EAF2: variants seen among roughly 807,000 people sequenced by gnomAD.
EAF2 encodes the protein ELL-associated factor 2.
A neutral mutation model predicts 29.4 loss-of-function variants in EAF2; 29 were observed. The ratio of observed to expected loss-of-function variants is 0.99; its 90% CI spans 0.73 to 1.35. The LOEUF (loss-of-function observed/expected upper bound fraction) is 1.35, where lower values mean the gene tolerates loss of function less well. EAF2 is among the 40% of genes most tolerant of loss of function. The pLI is 0.00. For synonymous variants in EAF2, 103 were observed against 102.5 expected (o/e 1.00, Z -0.03); for missense variants, 292 against 312.0 (o/e 0.94, Z 0.48).
At chr3:121,863,476 C>T (rs372405916) in intron 4 of EAF2, among the ~76,000 whole-genome samples, 2 of 152,164 alleles carry the variant, frequency 1.3e-5, no homozygotes, top group Non-Finnish European at 2.9e-5. Flanking sequence ...AATGAGGCTC[C>T]GTGGGCATGG....
intron 2 of EAF2, among the ~76,000 whole-genome samples, chr3:121,846,429 T>G (rs1277079118): frequency 6.6e-6 from 1 of 152,218 alleles, no homozygotes; most frequent in Non-Finnish European, 1.5e-5. Context: ...GGTTCTAGTA[T>G]CTCTAAAACA....
Position 121,886,464 on chromosome 3 carries a change from A to G in EAF2, c.*76A>G. 1.2e-6 allele frequency: 1 copy of G among 832,014 alleles called. No homozygotes were observed. Among genetic ancestry groups the G allele is most frequent in the Non-Finnish European group, 1.7e-6 (1 of 581,952 alleles). 51.5% of individuals were successfully genotyped at this position (832,014 alleles called of 1,614,324 possible). The stretch of plus-strand genomic sequence containing the variant: ...TGTATTAACAATAAAAATTCCTAAG[A>G]CTGAGGGAAATATGTCTTAACTTTT... On this transcript the variant is annotated 3_prime_UTR_variant, in exon 6 of 6. Transcript: ENST00000273668.
chr3:121,857,503 A>T (rs1029786997), intron 4 of EAF2, among the ~76,000 whole-genome samples: 1 of 151,532 alleles, frequency 6.6e-6, no homozygotes, highest in Non-Finnish European at 1.5e-5. Context: ...AAAAAAAAAA[A>T]GAAAAAAAAA....
chr3:121,851,531 T>A (rs1333871162), intron 2 of EAF2, among the ~76,000 whole-genome samples: 1 of 152,158 alleles, frequency 6.6e-6, no homozygotes, highest in Non-Finnish European at 1.5e-5. Context: ...CAATCCTAAG[T>A]CAGTCATTCA....
chr3:121,840,520 A>AAAAAAAAAAAC, intron 1 of EAF2, among the ~76,000 whole-genome samples: 2 of 129,444 alleles, frequency 1.5e-5, no homozygotes, highest in East Asian at 2.1e-4. Flanking sequence ...AAAAAAAAAA[A>AAAAAAAAAAAC]ACGGGCCGGG....
intron 4 of EAF2, among the ~76,000 whole-genome samples, chr3:121,870,804 A>G (rs1708998340): frequency 6.6e-6 from 1 of 152,158 alleles, no homozygotes; most frequent in Non-Finnish European, 1.5e-5. Context: ...ATAAAAAAAC[A>G]CTGCTTCATA....
intron 4 of EAF2, among the ~76,000 whole-genome samples, chr3:121,869,666 C>G (rs1473991234): frequency 6.6e-6 from 1 of 151,554 alleles, no homozygotes. Context: ...TGCTTGAGCC[C>G]GGGAGTTTGA....
chr3:121,877,523 T>C lies in EAF2; in HGVS notation c.736+4735T>C, dbSNP rs574743699. Among the ~76,000 whole-genome samples the C allele has an allele frequency of 3.3e-5, 5 of 151,966 alleles. No individual in the cohort carries two copies. In the South Asian group the frequency reaches 1.0e-3, roughly 32 times the overall value. Reference sequence around the variant, plus strand: ...TTTTTAAATGAACATATTATGATTATAATATGAAAATATAAATAAATAAAA... The same window carrying C: ...TTTTTAAATGAACATATTATGATTACAATATGAAAATATAAATAAATAAAA... On this transcript the variant is annotated intron_variant, in intron 5 of 5. Transcript: ENST00000273668.
chr3:121,867,611 C>A (rs934372708), intron 4 of EAF2, among the ~76,000 whole-genome samples: 1 of 152,048 alleles, frequency 6.6e-6, no homozygotes, highest in South Asian at 2.1e-4. Context: ...AGAATTTGTT[C>A]CTAGGAAACT....
At chr3:121,862,035 G>C (rs915689723) in intron 4 of EAF2, among the ~76,000 whole-genome samples, 1 of 152,216 alleles carries the variant, frequency 6.6e-6, no homozygotes, top group Non-Finnish European at 1.5e-5. Flanking sequence ...TCTGCCGAGA[G>C]ATCTGCTGTT....
At chr3:121,849,560 C>T (rs1708590270) in intron 2 of EAF2, among the ~76,000 whole-genome samples, 1 of 152,050 alleles carries the variant, frequency 6.6e-6, no homozygotes, top group Non-Finnish European at 1.5e-5. Context: ...TGAAATAGCC[C>T]ACTGCAAACT....
intron 5 of EAF2, 165 bp downstream of exon 5, chr3:121,872,953 C>A: frequency 9.1e-7 from 1 of 1,093,218 alleles, no homozygotes; most frequent in Non-Finnish European, 1.3e-6. Context: ...GAATCTGTGA[C>A]ATAATGCCTT....
At chr3:121,857,305 A>G (rs1442725046) in intron 4 of EAF2, 149 bp downstream of exon 4, 2 of 562,520 alleles carry the variant, frequency 3.6e-6, no homozygotes, top group East Asian at 6.5e-5. Context: ...CAGCCTGGCC[A>G]ACATGGTGAA....
chr3:121,884,869 G>A (rs895593929), intron 5 of EAF2, among the ~76,000 whole-genome samples: 7 of 152,162 alleles, frequency 4.6e-5, no homozygotes, highest in Admixed American at 3.3e-4. Flanking sequence ...TTTTGATTGC[G>A]GATTAGTTAA....
At chr3:121,875,009 A>C (rs530169591) in intron 5 of EAF2, among the ~76,000 whole-genome samples, 1 of 152,076 alleles carries the variant, frequency 6.6e-6, no homozygotes, top group Admixed American at 6.6e-5. Flanking sequence ...TTTCAGGGAA[A>C]GGTATAATAA....
intron 4 of EAF2, among the ~76,000 whole-genome samples, chr3:121,869,654 G>A (rs2689279): frequency 0.15 from 22,130 of 151,804 alleles, 2,006 homozygotes; most frequent in African/African-American, 0.25. Context: ...AGGCAAGAGG[G>A]TTGCTTGAGC....
intron 4 of EAF2, among the ~76,000 whole-genome samples, chr3:121,865,043 C>T (rs139378990): frequency 1.0e-3 from 154 of 152,190 alleles, no homozygotes; most frequent in African/African-American, 3.3e-3. Context: ...AGTAGAAGTT[C>T]TTCCATGTGG....
chr3:121,883,044 AAAAC>A (rs1264348635), intron 5 of EAF2, among the ~76,000 whole-genome samples: 2 of 152,144 alleles, frequency 1.3e-5, no homozygotes, highest in African/African-American at 4.8e-5. Context: ...AGGCAAAAGA[AAAAC>A]AAATTTATAA....
At chr3:121,844,603 A>G in intron 2 of EAF2, 56 bp downstream of exon 2, 1 of 1,181,134 alleles carries the variant, frequency 8.5e-7, no homozygotes, top group Non-Finnish European at 1.2e-6. Context: ...CAGTAAATTT[A>G]AATGAAAATA....
Sources: gnomAD v4.1 joint callset for allele counts (sites outside exome capture counted in the v4.1 genomes callset) on GRCh38, gnomAD v4.1.1 for gene constraint, MANE v1.5 for transcripts, NCBI Gene and HGNC (gene_info 2026-07-23, HGNC 2026-07-21) for gene names.